The following CENPT variants were observed in gnomAD, a reference collection of about 807,000 sequenced individuals.
CENPT encodes the protein interphase centromere complex protein 22.
In CENPT, 42 loss-of-function variants were observed where a neutral mutation model predicts 59.7. That is an observed-to-expected ratio of 0.70 (90% CI 0.55 to 0.91). CENPT has a LOEUF of 0.91. CENPT is among the 40% of genes least tolerant of loss of function. The pLI, the probability that CENPT is intolerant of heterozygous loss-of-function variation, is 0.00. For synonymous variants in CENPT, 295 were observed against 289.6 expected, an observed-to-expected ratio of 1.02 and a Z score of -0.19; for missense variants, 716 against 713.4, an observed-to-expected ratio of 1.00 and a Z score of -0.04.
At chr16:67,832,958 C>G (rs1316277168) in intron 4 of CENPT, among the ~76,000 whole-genome samples, 2 of 152,182 alleles carry the variant, frequency 1.3e-5, no homozygotes, top group African/African-American at 4.8e-5. Context: ...ACCCCAGACA[C>G]CTTAGTCTCT....
rs1298301818 is a variant in CENPT, at chr16:67,842,788, C to T, written c.-492+4613G>A. ...AGACCTACACGGTACGCGTCCCCAC[C>T]ATCTTCCCGCTGCGCGGCGTCAATG... On this transcript the variant is annotated intron_variant, in intron 1 of 15. Transcript: ENST00000562787. The surrounding 1 kb of genome is among the most constrained non-coding windows in gnomAD (Gnocchi z 4.9). The T allele has an allele frequency of 8.1e-6, 13 of 1,611,160 alleles. No homozygotes were observed. The highest frequency in any genetic ancestry group is 5.1e-6 in the Non-Finnish European group (6 of 1,179,104).
At chr16:67,836,903 G>A (rs149132030) in intron 1 of CENPT, among the ~76,000 whole-genome samples, 2,131 of 152,172 alleles carry the variant, frequency 0.014, 29 homozygotes, top group Middle Eastern at 0.088. Context: ...TACCACGCCC[G>A]GCTAATTTTT....
chr16:67,828,569 T>C lies in CENPT; in HGVS notation c.1467A>G (p.Lys489=). 6.2e-7 allele frequency: 1 copy of C among 1,614,182 alleles called. No individual in the cohort carries two copies. The highest frequency in any genetic ancestry group is 8.5e-7 in the Non-Finnish European group (1 of 1,180,028). Reference sequence around the variant, plus strand: ...GATCATCACAAAGATGCTGGAAATATTTATCTAGGCTGTCAAGAAGGTGGG... The same window carrying C: ...GATCATCACAAAGATGCTGGAAATACTTATCTAGGCTGTCAAGAAGGTGGG... ...ALEMVEKCLD[K]YFQHLCDDLE... is the part of the protein sequence containing the mutation. Residue 489 remains lysine, a synonymous_variant, in exon 15 of 16, where the codon AAA becomes AAG. Transcript: ENST00000562787.
intron 1 of CENPT, among the ~76,000 whole-genome samples, chr16:67,845,053 A>G (rs1018511364): frequency 5.3e-5 from 8 of 151,962 alleles, no homozygotes; most frequent in African/African-American, 1.7e-4. Context: ...CTCCCAAAGT[A>G]CTGAGATTAC....
rs1156774391 is a variant in CENPT at position 67,843,237 on chromosome 16, A to G, written c.-492+4164T>C. ...GCTGCCGAGTGCCCTATGGGCCCCCAGTTGGTGGTGGTAGGGGAAGAGGGC... is the reference window on the plus strand; with the variant it reads ...GCTGCCGAGTGCCCTATGGGCCCCCGGTTGGTGGTGGTAGGGGAAGAGGGC... On this transcript the variant is annotated intron_variant, in intron 1 of 15. Coordinates refer to ENST00000562787, the MANE Select transcript of CENPT (RefSeq NM_025082.4). This position sits in a 1 kb window ranked among gnomAD's most constrained non-coding sequence, Gnocchi z 5.7. The G allele has an allele frequency of 1.2e-6, 2 of 1,611,880 alleles. No homozygotes were observed. The highest frequency in any genetic ancestry group is 1.1e-5 in the South Asian group (1 of 91,066).
chr16:67,830,699 AGAAAGAAGAC>A, intron 10 of CENPT, 151 bp from the exon 11 acceptor site: 1 of 726,180 alleles, frequency 1.4e-6, no homozygotes, highest in Admixed American at 3.0e-5. Flanking sequence ...TGGCCTTCAG[AGAAAGAAGAC>A]GACCTAGCAC....
Position 67,832,221 on chromosome 16 carries a change from CACTT to C in CENPT, c.289+3_289+6del, listed in dbSNP as rs1244095702. ...TAACTCTGACCGGCAGGCCAGCGCT[CACTT>C]ACCAGTTAGTAGGATGTTCTTCAGC... On this transcript the variant is annotated splice_donor_5th_base_variant and intron_variant, in intron 6 of 15. Coordinates refer to ENST00000562787, the MANE Select transcript of CENPT (RefSeq NM_025082.4). 4.3e-6 allele frequency: 7 copies of C among 1,613,848 alleles called. No homozygotes were observed. In the Admixed American group the frequency reaches 5.0e-5, roughly 12 times the overall value.
intron 10 of CENPT, chr16:67,830,828 C>A: frequency 1.9e-6 from 1 of 527,174 alleles, no homozygotes; most frequent in Non-Finnish European, 3.4e-6. Flanking sequence ...TAAAATACCT[C>A]TTCGCTGCTT....
chr16:67,847,094 C>T (rs1043358011), intron 1 of CENPT: 5 of 150,276 alleles, frequency 3.3e-5, no homozygotes, highest in South Asian at 4.2e-4. Context: ...CCCCTCCCCC[C>T]CCCCCGGCGG....
chr16:67,836,277 G>A (rs1193093455), intron 1 of CENPT, among the ~76,000 whole-genome samples: 1 of 141,724 alleles, frequency 7.1e-6, no homozygotes, highest in Non-Finnish European at 1.5e-5. Flanking sequence ...GGCCAAGATG[G>A]TCTTGACCTC....
rs544714137 is a variant in CENPT at position 67,832,492 on chromosome 16, G to C, written c.164C>G (p.Thr55Arg). The C allele has an allele frequency of 3.0e-5, 48 of 1,614,074 alleles. No individual in the cohort carries two copies. The South Asian group carries it at 4.6e-4, about 16-fold the overall frequency. The part of the protein sequence containing the change: ...TASPRKLSGQ[T>R]RTIARGRSHG... ...GGAACGCCCTCTGGCTATCGTCCTT[G>C]TTTGGCCACTCAACTTCCTGGGGGA... is the stretch of plus-strand genomic sequence containing the variant. The change falls in exon 5 of 16, where the codon ACA becomes AGA. Residue 55 changes from threonine (T) to arginine (R), a missense_variant. Physicochemically the swap from Thr to Arg is moderately conservative, Grantham distance 71. Coordinates refer to ENST00000562787, the MANE Select transcript of CENPT (RefSeq NM_025082.4).
In CENPT at chr16:67,829,464, A is replaced by T; in HGVS notation, c.1239T>A (p.His413Gln). ...CTGGGGCTGGCTCAAGAAACTGATG[A>T]TGTCGCCTGGCCTGGAGAGACTCAG... Reference protein sequence around the residue: ...STPESLQARRHHQFLEPAPAP... With the variant: ...STPESLQARRQHQFLEPAPAP... Residue 413 changes from histidine (H) to glutamine (Q), a missense_variant, in exon 13 of 16, where the codon CAT becomes CAA. Coordinates refer to ENST00000562787, the MANE Select transcript of CENPT (RefSeq NM_025082.4). 6.3e-7 allele frequency: 1 copy of T among 1,583,390 alleles called. No homozygotes were observed. The highest frequency in any genetic ancestry group is 8.5e-7 in the Non-Finnish European group (1 of 1,172,070).
chr16:67,829,859 G>T lies in CENPT; in HGVS notation c.1092C>A (p.His364Gln). Residue 364 changes from histidine (H) to glutamine (Q), a missense_variant, in exon 12 of 16, where the codon CAC becomes CAA. Physicochemically the swap from His to Gln is conservative, Grantham distance 24 (BLOSUM62 0). Coordinates refer to ENST00000562787, the MANE Select transcript of CENPT (RefSeq NM_025082.4). ...GPSRVEEAEG[H>Q]TEVTEAEGSQ... ...ATCCCTCTGCTTCTGTCACCTCTGT[G>T]TGTCCCTCAGCCTCTTCTACCCTGC... 6.2e-7 allele frequency: 1 copy of T among 1,614,198 alleles called. No individual in the cohort carries two copies. The highest frequency in any genetic ancestry group is 8.5e-7 in the Non-Finnish European group (1 of 1,180,028).
chr16:67,829,304 A>C (rs1260635532), intron 13 of CENPT, 119 bp downstream of exon 13: 2 of 794,496 alleles, frequency 2.5e-6, no homozygotes. Context: ...GCCCAGCTGA[A>C]GCTGCCCTGC....
chr16:67,833,886 G>T lies in CENPT; in HGVS notation c.-27C>A, dbSNP rs759178266. ...GTCTCGGCCCCGGGCCCTCCTAACC[G>T]CCCAGCCAGCTGCAGGCTCCGCCTT... On this transcript the variant is annotated 5_prime_UTR_variant, in exon 4 of 16. Coordinates refer to ENST00000562787, the MANE Select transcript of CENPT (RefSeq NM_025082.4). The T allele has an allele frequency of 2.1e-6, 3 of 1,409,856 alleles. No individual in the cohort carries two copies. The highest frequency in any genetic ancestry group is 6.2e-5 in the Admixed American group (2 of 32,208). 87.3% of individuals were successfully genotyped at this position (1,409,856 alleles called of 1,614,324 possible). A position where few individuals can be genotyped will look rare whatever the true frequency, so the allele number is the denominator to read the frequency against.
rs556309794 is a variant in CENPT at position 67,838,198 on chromosome 16, T to C, written c.-491-2540A>G. On this transcript the variant is annotated intron_variant, in intron 1 of 15. Coordinates refer to ENST00000562787, the MANE Select transcript of CENPT (RefSeq NM_025082.4). ...TTTCATTGGGCATAATTTTCAATAT[T>C]CTGTGCATAAAGAAATTACATCAAT... is the stretch of plus-strand genomic sequence containing the variant. Among the ~76,000 whole-genome samples, 3 of 152,354 alleles carry C rather than the reference T, an allele frequency of 2.0e-5. No individual in the cohort carries two copies. The East Asian group carries it at 5.8e-4, about 29-fold the overall frequency.
chr16:67,830,030 A>G lies in CENPT; in HGVS notation c.921T>C (p.Ala307=), dbSNP rs754790260. 3 of 1,614,196 alleles carry G rather than the reference A, an allele frequency of 1.9e-6. No homozygotes were observed. Among genetic ancestry groups the G allele is most frequent in the Non-Finnish European group, 2.5e-6 (3 of 1,180,046 alleles). The stretch of plus-strand genomic sequence containing the variant: ...CACTGCTGGTGCTCAGGAAGCCCAG[A>G]GCAAAGGCATTGACCTCCTCTGCCT... ...AGEAEEVNAF[A]LGFLSTSSGV... Residue 307 remains alanine, a synonymous_variant, in exon 12 of 16, where the codon GCT becomes GCC. Coordinates refer to ENST00000562787, the MANE Select transcript of CENPT (RefSeq NM_025082.4).
intron 1 of CENPT, among the ~76,000 whole-genome samples, chr16:67,839,980 C>A (rs990307884): frequency 1.3e-5 from 2 of 152,110 alleles, no homozygotes; most frequent in Admixed American, 6.6e-5. Flanking sequence ...GGGGCTACAC[C>A]GGCCCCATTT....
At chr16:67,831,505 C>T in intron 9 of CENPT, 71 bp downstream of exon 9, 4 of 1,592,732 alleles carry the variant, frequency 2.5e-6, no homozygotes, top group Non-Finnish European at 3.4e-6. Context: ...CAGATTCCAT[C>T]CCAGGCAGCA....
Sources: allele counts gnomAD v4.1 joint callset (sites outside exome capture counted in the v4.1 genomes callset), GRCh38; gene constraint gnomAD v4.1.1; non-coding constraint Gnocchi (gnomAD v3.1); transcripts MANE v1.5; gene names NCBI Gene and HGNC (gene_info 2026-07-23, HGNC 2026-07-21).